Variants in NXN observed in about 807,000 individuals in gnomAD.
NXN encodes nucleoredoxin 1.
A neutral mutation model predicts 48.6 loss-of-function variants in NXN; 16 were observed. The observed-to-expected ratio is 0.33, with a 90% CI of 0.22 to 0.50. The LOEUF (loss-of-function observed/expected upper bound fraction) is 0.50, where lower values mean the gene tolerates loss of function less well. NXN is among the 20% of genes least tolerant of loss of function. NXN has a pLI of 0.98. For synonymous variants in NXN, 281 were observed against 269.6 expected, an observed-to-expected ratio of 1.04 and a Z score of -0.41; for missense variants, 492 against 605.5, an observed-to-expected ratio of 0.81 and a Z score of 1.97.
At chr17:972,075 C>T (rs887879733) in intron 1 of NXN, among the ~76,000 whole-genome samples, 21 of 152,216 alleles carry the variant, frequency 1.4e-4, no homozygotes, top group South Asian at 4.2e-4. Flanking sequence ...CCAAGGCAGG[C>T]GGACCACCTA....
intron 7 of NXN, 65 bp from the exon 8 acceptor site, chr17:801,196 G>T: frequency 7.7e-7 from 1 of 1,304,574 alleles, no homozygotes; most frequent in Non-Finnish European, 1.0e-6. Flanking sequence ...GAGTCCCCTG[G>T]GCCCAGTCTC....
At chr17:936,699 C>T (rs2068911270) in intron 1 of NXN, among the ~76,000 whole-genome samples, 1 of 150,078 alleles carries the variant, frequency 6.7e-6, no homozygotes, top group Non-Finnish European at 1.5e-5. Context: ...TCAGAGCTGT[C>T]GGCGGTACCA....
intron 1 of NXN, chr17:897,112 T>G (rs2068495223): frequency 1.0e-6 from 1 of 980,500 alleles, no homozygotes; most frequent in African/African-American, 1.8e-5. Context: ...CCCAAGAAAA[T>G]TATTTCCCAT....
chr17:957,222 AC>A (rs1280994983), intron 1 of NXN, among the ~76,000 whole-genome samples: 1 of 150,224 alleles, frequency 6.7e-6, no homozygotes, highest in Middle Eastern at 3.4e-3. Context: ...CCCTGTCACC[AC>A]CCCCCTCCCC....
intron 1 of NXN, among the ~76,000 whole-genome samples, chr17:901,683 TTGC>T (rs2068538896): frequency 6.6e-6 from 1 of 152,180 alleles, no homozygotes; most frequent in African/African-American, 2.4e-5. Context: ...CTCCTTCAGC[TTGC>T]TGTTTGTTTT....
chr17:801,245 T>G, intron 7 of NXN, 114 bp from the exon 8 acceptor site: 1 of 708,100 alleles, frequency 1.4e-6, no homozygotes. Context: ...AGAGCCGGCG[T>G]TTCCCAAGCA....
chr17:957,167 T>C (rs1160560485), intron 1 of NXN, among the ~76,000 whole-genome samples: 1 of 152,038 alleles, frequency 6.6e-6, no homozygotes, highest in Admixed American at 6.6e-5. Flanking sequence ...ATTTGTGTAA[T>C]ATGAGCACAT....
chr17:808,068 G>A (rs1911677360), intron 5 of NXN, among the ~76,000 whole-genome samples: 1 of 152,166 alleles, frequency 6.6e-6, no homozygotes, highest in African/African-American at 2.4e-5. Flanking sequence ...TGATCCACCT[G>A]TTGCAGAAGC....
chr17:921,791 G>A (rs1304712876), intron 1 of NXN, among the ~76,000 whole-genome samples: 3 of 150,946 alleles, frequency 2.0e-5, no homozygotes, highest in Admixed American at 6.6e-5. Flanking sequence ...ACACCTGGCC[G>A]GCCCAGGCTC....
At chr17:901,210 G>C (rs1304119520) in intron 1 of NXN, among the ~76,000 whole-genome samples, 2 of 150,524 alleles carry the variant, frequency 1.3e-5, no homozygotes, top group Admixed American at 6.7e-5. Context: ...CATGAGCCAC[G>C]GCGTCCGGCC....
intron 1 of NXN, among the ~76,000 whole-genome samples, chr17:853,358 G>C (rs951947954): frequency 1.3e-5 from 2 of 151,916 alleles, no homozygotes; most frequent in African/African-American, 2.4e-5. Flanking sequence ...GGAGGCAGGA[G>C]AATCGCTTGA....
chr17:919,096 G>A lies in NXN; in HGVS notation c.360+60223C>T, dbSNP rs1424990213. ...AAAAAAAAATGTTTCAGCCAGGCTC[G>A]GTGGCTCACACCTGTAATCCCAGCA... On this transcript the variant is annotated intron_variant, in intron 1 of 7. Transcript: ENST00000336868. This position sits in a 1 kb window ranked among gnomAD's most constrained non-coding sequence, Gnocchi z 5.1. 5.9e-5 allele frequency among the ~76,000 whole-genome samples: 9 copies of A among 151,848 alleles called. No homozygotes were observed. The highest frequency in any genetic ancestry group is 2.1e-4 in the South Asian group (1 of 4,810).
intron 1 of NXN, among the ~76,000 whole-genome samples, chr17:833,971 AT>A (rs1313549107): frequency 6.6e-6 from 1 of 152,194 alleles, no homozygotes; most frequent in Non-Finnish European, 1.5e-5. Context: ...TGCCTTCAGG[AT>A]GGCGAACATC....
chr17:895,302 C>T (rs1211552176), intron 1 of NXN, among the ~76,000 whole-genome samples: 1 of 151,798 alleles, frequency 6.6e-6, no homozygotes, highest in Non-Finnish European at 1.5e-5. Context: ...CAGGCATGAG[C>T]CACCGCGCCT....
intron 1 of NXN, among the ~76,000 whole-genome samples, chr17:857,401 C>T (rs1379353402): frequency 6.6e-6 from 1 of 152,156 alleles, no homozygotes; most frequent in Non-Finnish European, 1.5e-5. Context: ...GCTGGGACTA[C>T]AGGCACGCAC....
chr17:904,299 C>G (rs200796989), intron 1 of NXN, among the ~76,000 whole-genome samples: 1 of 105,702 alleles, frequency 9.5e-6, no homozygotes, highest in Non-Finnish European at 1.9e-5. Context: ...ACGTCGGACG[C>G]CGTCCGGCTT....
chr17:962,370 T>C (rs569571534), intron 1 of NXN, among the ~76,000 whole-genome samples: 3 of 151,982 alleles, frequency 2.0e-5, no homozygotes, highest in African/African-American at 7.2e-5. Flanking sequence ...CCTTCTGTGA[T>C]AAAAAGAGGA....
chr17:839,263 C>A (rs550778005), intron 1 of NXN, among the ~76,000 whole-genome samples: 21 of 151,708 alleles, frequency 1.4e-4, no homozygotes, highest in African/African-American at 5.1e-4. Context: ...GGTGAAACCC[C>A]ATCTCTCCTA....
At chr17:808,028 C>T (rs1911674434) in intron 5 of NXN, among the ~76,000 whole-genome samples, 1 of 152,328 alleles carries the variant, frequency 6.6e-6, no homozygotes, top group South Asian at 2.1e-4. Flanking sequence ...GTCACCCAGC[C>T]AGGCAGTGGT....
Sources: allele counts gnomAD v4.1 joint callset (sites outside exome capture counted in the v4.1 genomes callset), GRCh38; gene constraint gnomAD v4.1.1; non-coding constraint Gnocchi (gnomAD v3.1); transcripts MANE v1.5; gene names NCBI Gene and HGNC (gene_info 2026-07-23, HGNC 2026-07-21).